Variants in LIPA observed in about 807,000 individuals in gnomAD.
LIPA encodes the protein lipase A, lysosomal acid type.
In LIPA, 26 loss-of-function variants were observed where a neutral mutation model predicts 40.6. That is an observed-to-expected ratio of 0.64 (90% CI 0.47 to 0.89). The LOEUF (loss-of-function observed/expected upper bound fraction) is 0.89. Among genes scored for constraint, LIPA ranks in the 40% least tolerant of loss-of-function variants. The probability of loss-of-function intolerance (pLI) is 0.00; values close to 1 mark genes in which losing one functional copy is unlikely to be tolerated. For synonymous variants in LIPA, 188 were observed against 168.4 expected, an observed-to-expected ratio of 1.12 and a Z score of -0.90; for missense variants, 455 against 479.6, an observed-to-expected ratio of 0.95 and a Z score of 0.48.
intron 3 of LIPA, among the ~76,000 whole-genome samples, chr10:89,239,593 A>G (rs920684967): frequency 6.6e-6 from 1 of 152,242 alleles, no homozygotes; most frequent in African/African-American, 2.4e-5. Context: ...CCTGCATCAC[A>G]GAGCAGGGAA....
intron 1 of LIPA, chr10:89,340,134 AG>A: frequency 6.3e-7 from 1 of 1,575,204 alleles, no homozygotes; most frequent in Middle Eastern, 1.9e-4. Flanking sequence ...ACTGAGACAG[AG>A]GAGGAAAACA....
chr10:89,350,651 T>C (rs1843953923), intron 2 of LIPA, among the ~76,000 whole-genome samples: 1 of 151,516 alleles, frequency 6.6e-6, no homozygotes, highest in African/African-American at 2.4e-5. Flanking sequence ...GGGGGAGATC[T>C]GTGCAGGGGG....
intron 1 of LIPA, among the ~76,000 whole-genome samples, chr10:89,337,007 C>CA (rs1843752530): frequency 6.6e-6 from 1 of 152,170 alleles, no homozygotes; most frequent in African/African-American, 2.4e-5. Context: ...AACTACAAAA[C>CA]AAAAATGAGT....
chr10:89,383,463 C>T, intron 2 of LIPA: 1 of 1,614,186 alleles, frequency 6.2e-7, no homozygotes, highest in African/African-American at 1.3e-5. Context: ...ACACCAAATA[C>T]AATGTGGGAA....
At chr10:89,307,056 C>T (rs772035501) in intron 1 of LIPA, 1 of 1,613,912 alleles carries the variant, frequency 6.2e-7, no homozygotes, top group African/African-American at 1.3e-5. Flanking sequence ...GAGCTTACTC[C>T]TGTAGCGAAA....
At chr10:89,317,810 C>G (rs868756512) in intron 1 of LIPA, among the ~76,000 whole-genome samples, 1 of 152,086 alleles carries the variant, frequency 6.6e-6, no homozygotes, top group African/African-American at 2.4e-5. Context: ...TTAAAGGCAG[C>G]CAGAGAGAAG....
At chr10:89,331,858 CAAAAA>C (rs10540155) in intron 1 of LIPA, among the ~76,000 whole-genome samples, 5 of 80,610 alleles carry the variant, frequency 6.2e-5, no homozygotes, top group Admixed American at 1.4e-4. Context: ...GATCCTGTCT[CAAAAA>C]AAAAAAAAAA....
chr10:89,242,728 T>C (rs528236286), intron 3 of LIPA, among the ~76,000 whole-genome samples: 52 of 152,348 alleles, frequency 3.4e-4, no homozygotes, highest in Non-Finnish European at 6.8e-4. Flanking sequence ...AGTATGAATG[T>C]ATAGCAGTAT....
chr10:89,353,755 AT>A (rs1363636958), intron 2 of LIPA, among the ~76,000 whole-genome samples: 1 of 152,140 alleles, frequency 6.6e-6, no homozygotes, highest in Non-Finnish European at 1.5e-5. Context: ...CCTGGCTAAC[AT>A]GGTGAAAACC....
intron 2 of LIPA, among the ~76,000 whole-genome samples, chr10:89,246,113 C>T (rs987593129): frequency 6.6e-6 from 1 of 152,166 alleles, no homozygotes; most frequent in African/African-American, 2.4e-5. Context: ...CAAATAAATG[C>T]TCATTTCTTT....
At chr10:89,253,815 T>C (rs975335192), upstream of LIPA, among the ~76,000 whole-genome samples, 6 of 152,196 alleles carry the variant, frequency 3.9e-5, no homozygotes, top group African/African-American at 1.4e-4. Context: ...CTGTTTCAAA[T>C]GGGAGAAACT....
At chr10:89,380,177 C>G (rs1363442601) in intron 2 of LIPA, among the ~76,000 whole-genome samples, 1 of 152,198 alleles carries the variant, frequency 6.6e-6, no homozygotes, top group Non-Finnish European at 1.5e-5. Context: ...CTAGAAGCCA[C>G]TGACCTGAGG....
upstream of LIPA, among the ~76,000 whole-genome samples, chr10:89,255,986 G>A (rs767412133): frequency 1.3e-5 from 2 of 152,222 alleles, no homozygotes; most frequent in South Asian, 4.1e-4. Context: ...TCATACCATA[G>A]ACCAGAAGTT....
Position 89,262,907 on chromosome 10 carries a change from G to A in LIPA, c.-1-15258C>T, listed in dbSNP as rs962583936. On this transcript the variant is annotated intron_variant, in intron 1 of 5. Transcript: ENST00000282673. ...CAGTTGACAATCACTTTTTGTGAAG[G>A]GAACAGTAAAAACTGCCAAGCCCAA... is the stretch of plus-strand genomic sequence containing the variant. Among the ~76,000 whole-genome samples the A allele has an allele frequency of 7.2e-5, 11 of 152,288 alleles. No individual in the cohort carries two copies. In the East Asian group the frequency reaches 1.9e-3, roughly 27 times the overall value.
At chr10:89,299,356 C>T (rs147638513) in intron 1 of LIPA, among the ~76,000 whole-genome samples, 18 of 152,066 alleles carry the variant, frequency 1.2e-4, no homozygotes, top group Admixed American at 5.2e-4. Flanking sequence ...ATCTATGGGA[C>T]ACCATAAGGT....
intron 2 of LIPA, among the ~76,000 whole-genome samples, chr10:89,367,775 G>A (rs1460095868): frequency 6.6e-6 from 1 of 152,156 alleles, no homozygotes; most frequent in Non-Finnish European, 1.5e-5. Flanking sequence ...ACTGCTGACT[G>A]AGGTTTTCAG....
At chr10:89,234,667 T>C (rs1392760072) in intron 3 of LIPA, among the ~76,000 whole-genome samples, 1 of 152,224 alleles carries the variant, frequency 6.6e-6, no homozygotes. Flanking sequence ...AATGTGGTTC[T>C]TTCCCATCCC....
chr10:89,280,596 C>T (rs1843309911), intron 1 of LIPA, among the ~76,000 whole-genome samples: 1 of 152,224 alleles, frequency 6.6e-6, no homozygotes, highest in African/African-American at 2.4e-5. Flanking sequence ...CAGCTTCACC[C>T]ATTCATCTCC....
intron 2 of LIPA, chr10:89,404,136 A>G (rs780785978): frequency 6.5e-6 from 1 of 154,246 alleles, no homozygotes; most frequent in Non-Finnish European, 1.4e-5. Context: ...TTCACACCTC[A>G]TTATATTCCC....
Sources: gnomAD v4.1 joint callset for allele counts (sites outside exome capture counted in the v4.1 genomes callset) on GRCh38, gnomAD v4.1.1 for gene constraint, MANE v1.5 for transcripts, NCBI Gene and HGNC (gene_info 2026-07-23, HGNC 2026-07-21) for gene names.